NANOS3: variants seen among roughly 807,000 people sequenced by gnomAD.
NANOS3 encodes nanos C2HC-type zinc finger 3.
In NANOS3, 11 loss-of-function variants were observed where a neutral mutation model predicts 13.8. That is an observed-to-expected ratio of 0.80 (90% CI 0.50 to 1.32). The LOEUF (loss-of-function observed/expected upper bound fraction) is 1.32, where lower values mean the gene tolerates loss of function less well. Among genes scored for constraint, NANOS3 ranks in the 40% most tolerant of loss-of-function variants. The pLI, the probability that NANOS3 is intolerant of heterozygous loss-of-function variation, is 0.00. For missense variants in NANOS3, 221 were observed against 263.8 expected (o/e 0.84, Z 1.12); for synonymous variants, 119 against 115.4 (o/e 1.03, Z -0.20).
upstream of NANOS3, among the ~76,000 whole-genome samples, chr19:13,864,812 C>G (rs893412317): frequency 6.6e-6 from 1 of 152,084 alleles, no homozygotes; most frequent in African/African-American, 2.4e-5. Context: ...GTCTGGTGCC[C>G]CCGGGTGTCC....
upstream of NANOS3, among the ~76,000 whole-genome samples, chr19:13,873,397 T>C (rs913950893): frequency 1.3e-5 from 2 of 151,894 alleles, no homozygotes; most frequent in Non-Finnish European, 2.9e-5. Context: ...GTCCCTCATC[T>C]ACCTTGGGGT....
chr19:13,876,125 G>A (rs73922791), upstream of NANOS3, among the ~76,000 whole-genome samples: 213 of 152,252 alleles, frequency 1.4e-3, 1 homozygote, highest in African/African-American at 5.0e-3. Flanking sequence ...GAAGAAGGAG[G>A]CAGATGTGGT....
chr19:13,872,573 A>G (rs1406865514), upstream of NANOS3, among the ~76,000 whole-genome samples: 1 of 152,214 alleles, frequency 6.6e-6, no homozygotes, highest in Non-Finnish European at 1.5e-5. Context: ...ATGTAGCGTT[A>G]TCATCAGTAA....
chr19:13,870,526 G>C (rs559559104), intron 1 of NANOS3, among the ~76,000 whole-genome samples: 3 of 151,056 alleles, frequency 2.0e-5, no homozygotes, highest in African/African-American at 7.3e-5. Flanking sequence ...TGCTATGTGT[G>C]GGGGGGTGGG....
At chr19:13,866,450 A>C (rs1976242816) in intron 1 of NANOS3, among the ~76,000 whole-genome samples, 1 of 152,128 alleles carries the variant, frequency 6.6e-6, no homozygotes, top group Admixed American at 6.5e-5. Context: ...GGAGACCCCC[A>C]AAATTACACG....
chr19:13,864,057 C>G (rs945316064), upstream of NANOS3, among the ~76,000 whole-genome samples: 1 of 152,110 alleles, frequency 6.6e-6, no homozygotes, highest in Non-Finnish European at 1.5e-5. Context: ...CAGCTCAGCC[C>G]GGGCCAATGG....
At chr19:13,874,822 C>A (rs1568364636), upstream of NANOS3, 1 of 531,436 alleles carries the variant, frequency 1.9e-6, no homozygotes, top group Non-Finnish European at 3.9e-6. Context: ...GCCGGTGACT[C>A]TGACCTTCCA....
upstream of NANOS3, chr19:13,874,860 A>G (rs199676795): frequency 9.5e-6 from 5 of 525,662 alleles, no homozygotes; most frequent in Middle Eastern, 3.2e-4. Flanking sequence ...GGAGCCCCCA[A>G]TCCAGCCTGG....
At position 13,877,706 on chromosome 19, in the gene NANOS3, G is replaced by C. The variant is rs1249050476; in HGVS notation, c.458G>C (p.Arg153Pro). 3.1e-6 allele frequency: 5 copies of C among 1,605,030 alleles called. No homozygotes were observed. The African/African-American group carries it at 5.4e-5, about 17-fold the overall frequency. Residue 153 changes from arginine (R) to proline (P), a missense_variant, in exon 1 of 2, where the codon CGG (arginine) becomes CCG (proline). Coordinates refer to ENST00000339133, the MANE Select transcript of NANOS3 (RefSeq NM_001098622.3). ...TRNSAGKKLV[R>P]PDKAKTQDTG... is the part of the protein sequence containing the mutation. ...AACTCGGCAGGCAAGAAGCTGGTCC[G>C]GCCTGACAAGGCGAAGACACAGGAC...
At chr19:13,873,909 G>A (rs938178020), upstream of NANOS3, among the ~76,000 whole-genome samples, 16 of 150,890 alleles carry the variant, frequency 1.1e-4, no homozygotes, top group African/African-American at 3.9e-4. Context: ...GGCACCCGGG[G>A]CGGGGGGGTG....
intron 1 of NANOS3, among the ~76,000 whole-genome samples, chr19:13,868,257 C>T (rs908976395): frequency 6.6e-6 from 1 of 151,912 alleles, no homozygotes; most frequent in African/African-American, 2.4e-5. Context: ...CAGAGTTTCA[C>T]AATGTTGTCC....
chr19:13,864,932 C>A (rs999977558), upstream of NANOS3, among the ~76,000 whole-genome samples: 16 of 152,086 alleles, frequency 1.1e-4, no homozygotes, highest in Non-Finnish European at 2.4e-4. Flanking sequence ...CACACCGTTC[C>A]CTATGTCTGT....
At chr19:13,862,851 T>TA (rs200873434), upstream of NANOS3, among the ~76,000 whole-genome samples, 569 of 152,334 alleles carry the variant, frequency 3.7e-3, 5 homozygotes, top group African/African-American at 0.013. Flanking sequence ...CCCTGCCTCT[T>TA]ACAGGCGGTA....
upstream of NANOS3, among the ~76,000 whole-genome samples, chr19:13,876,858 C>T (rs141755232): frequency 8.5e-5 from 13 of 152,324 alleles, no homozygotes; most frequent in African/African-American, 3.1e-4. Context: ...TCCAGTGGGG[C>T]TGGAGGGCTA....
chr19:13,865,027 G>A (rs1414022214), upstream of NANOS3, among the ~76,000 whole-genome samples: 1 of 151,980 alleles, frequency 6.6e-6, no homozygotes, highest in Non-Finnish European at 1.5e-5. Flanking sequence ...GCCCGCCCGC[G>A]CCCCCGTGTC....
intron 1 of NANOS3, among the ~76,000 whole-genome samples, chr19:13,865,635 G>A (rs1209251181): frequency 6.7e-6 from 1 of 149,966 alleles, no homozygotes; most frequent in Non-Finnish European, 1.5e-5. Context: ...GGAGGCCCCG[G>A]CGGCATCTCT....
chr19:13,866,842 GCA>G (rs762188113), intron 1 of NANOS3, among the ~76,000 whole-genome samples: 27 of 151,774 alleles, frequency 1.8e-4, no homozygotes, highest in Non-Finnish European at 3.1e-4. Flanking sequence ...GTTCACACCT[GCA>G]CACTCACAGT....
intron 1 of NANOS3, among the ~76,000 whole-genome samples, chr19:13,878,550 T>C (rs924119006): frequency 3.9e-5 from 6 of 151,994 alleles, no homozygotes; most frequent in East Asian, 1.9e-4. Context: ...AGGGTTATTA[T>C]AGATGCAGAA....
upstream of NANOS3, among the ~76,000 whole-genome samples, chr19:13,873,432 TCAGTA>T (rs1310248475): frequency 6.6e-6 from 1 of 151,878 alleles, no homozygotes; most frequent in African/African-American, 2.4e-5. Flanking sequence ...ATTTTGGGCC[TCAGTA>T]TTCCCCTCGG....
Sources: gnomAD v4.1 joint callset for allele counts (sites outside exome capture counted in the v4.1 genomes callset) on GRCh38, gnomAD v4.1.1 for gene constraint, MANE v1.5 for transcripts, NCBI Gene and HGNC (gene_info 2026-07-23, HGNC 2026-07-21) for gene names.